The following MTRF1L variants were observed in gnomAD, a reference collection of about 807,000 sequenced individuals.
The protein encoded by MTRF1L is peptide chain release factor 1-like, mitochondrial.
In MTRF1L, 29 loss-of-function variants were observed where a neutral mutation model predicts 40.0. The ratio of observed to expected loss-of-function variants is 0.73; its 90% CI spans 0.54 to 0.99. The LOEUF (loss-of-function observed/expected upper bound fraction) is 0.99. Ranked by LOEUF, MTRF1L falls within the 50% of genes least tolerant of loss-of-function variation. The pLI, the probability that MTRF1L is intolerant of heterozygous loss-of-function variation, is 0.00. For synonymous variants in MTRF1L, 150 were observed against 175.8 expected (o/e 0.85, Z 1.16); for missense variants, 412 against 464.5 (o/e 0.89, Z 1.04).
intron 2 of MTRF1L, 142 bp downstream of exon 2, chr6:152,998,408 C>T (rs1778791901): frequency 5.6e-6 from 3 of 540,156 alleles, no homozygotes; most frequent in Non-Finnish European, 9.0e-6. Context: ...CAATTTATAC[C>T]TCAATAAATC....
intron 2 of MTRF1L, 105 bp from the exon 3 acceptor site, chr6:152,995,424 G>T: frequency 1.9e-6 from 2 of 1,036,488 alleles, no homozygotes; most frequent in Non-Finnish European, 2.7e-6. Flanking sequence ...GTTTCGCCAA[G>T]CAAATAATGT....
chr6:152,991,641 G>C lies in MTRF1L; in HGVS notation c.806-320C>G, dbSNP rs181738885. Among the ~76,000 whole-genome samples the C allele has an allele frequency of 2.6e-3, 399 of 152,252 alleles. 11 individuals carry two copies. The East Asian group carries it at 0.054, about 21-fold the overall frequency. ...GGCTCACTGCAAGCTCCGCCTCCCGGGTTCACGCCATTCTCCTGCCTCAGC... is the reference window on the plus strand; with the variant it reads ...GGCTCACTGCAAGCTCCGCCTCCCGCGTTCACGCCATTCTCCTGCCTCAGC... On this transcript the variant is annotated intron_variant, in intron 5 of 6. Coordinates refer to ENST00000367233, the MANE Select transcript of MTRF1L (RefSeq NM_019041.7).
At chr6:153,002,282 G>GT (rs1189738612) in intron 1 of MTRF1L, 145 bp downstream of exon 1, 1 of 1,230,992 alleles carries the variant, frequency 8.1e-7, no homozygotes, top group Non-Finnish European at 1.2e-6. Flanking sequence ...ATCACAGCAC[G>GT]TAATGATGTC....
At chr6:152,998,141 TACC>T (rs1778778487) in intron 2 of MTRF1L, among the ~76,000 whole-genome samples, 1 of 142,744 alleles carries the variant, frequency 7.0e-6, no homozygotes, top group East Asian at 2.1e-4. Flanking sequence ...GCCCCATGTC[TACC>T]TCCAGTCTTC....
rs747414946 is a variant in MTRF1L, at chr6:152,998,570, T to C, written c.319A>G (p.Ile107Val). 17 of 1,596,798 alleles carry C rather than the reference T, an allele frequency of 1.1e-5. No individual in the cohort carries two copies. Among genetic ancestry groups the C allele is most frequent in the Non-Finnish European group, 1.3e-5 (15 of 1,173,588 alleles). ...CATACCTGATGCTTCAGCTGAGTTATTTCTTTTTGACACAAAGTGATTTCA... is the reference window on the plus strand; with the variant it reads ...CATACCTGATGCTTCAGCTGAGTTACTTCTTTTTGACACAAAGTGATTTCA... The part of the protein sequence containing the change: ...ENEITLCQKE[I>V]TQLKHQIILL... Residue 107 changes from isoleucine (I) to valine (V), a missense_variant, in exon 2 of 7, where the codon ATA becomes GTA. Transcript: ENST00000367233.
intron 1 of MTRF1L, among the ~76,000 whole-genome samples, chr6:152,999,266 A>G (rs761656234): frequency 1.5e-5 from 2 of 137,292 alleles, no homozygotes; most frequent in Non-Finnish European, 3.2e-5. Context: ...TACCCTATAG[A>G]TGATATGCAG....
chr6:152,990,159 C>A (rs1778456134), intron 6 of MTRF1L, 64 bp from the exon 7 acceptor site: 2 of 1,564,600 alleles, frequency 1.3e-6, no homozygotes, highest in Admixed American at 4.0e-5. Context: ...ACAAATTTAA[C>A]TTATTTGGAG....
rs748255134 is a variant in MTRF1L at position 152,991,243 on chromosome 6, A to G, written c.884T>C (p.Leu295Pro). 1 of 1,596,190 alleles carries G rather than the reference A, an allele frequency of 6.3e-7. No homozygotes were observed. Among genetic ancestry groups the G allele is most frequent in the South Asian group, 1.1e-5 (1 of 87,314 alleles). ...ELAMTKLRAK[L>P]YSMHLEEEIN... is the part of the protein sequence containing the mutation. ...TTCTTCTTCTAGATGCATGCTGTAC[A>G]GTTTTGCACGTAACTTTGTCATAGC... The change falls in exon 6 of 7, where the codon CTG becomes CCG. Residue 295 changes from leucine to proline, a missense_variant. Physicochemically the swap from Leu to Pro is moderately conservative, Grantham distance 98. Coordinates refer to ENST00000367233, the MANE Select transcript of MTRF1L (RefSeq NM_019041.7).
chr6:153,002,689 T>C lies in MTRF1L; in HGVS notation c.-4A>G, dbSNP rs1584111345. Reference sequence around the variant, plus strand: ...CCCACAGAACCCGGGACCGCATCCTTAGTCCGAGATCGCGGACCCTGACCG... The same window carrying C: ...CCCACAGAACCCGGGACCGCATCCTCAGTCCGAGATCGCGGACCCTGACCG... On this transcript the variant is annotated 5_prime_UTR_variant, in exon 1 of 7. Coordinates refer to ENST00000367233, the MANE Select transcript of MTRF1L (RefSeq NM_019041.7). 1 of 1,476,300 alleles carries C rather than the reference T, an allele frequency of 6.8e-7. No homozygotes were observed. The highest frequency in any genetic ancestry group is 1.4e-5 in the South Asian group (1 of 71,540). The allele number at this position is 1,476,300 out of a possible 1,614,324, so 91.5% of individuals were successfully genotyped here. A position where few individuals can be genotyped will look rare whatever the true frequency, so the allele number is the denominator to read the frequency against.
intron 1 of MTRF1L, among the ~76,000 whole-genome samples, chr6:153,000,129 A>G (rs76067097): frequency 0.033 from 5,012 of 152,302 alleles, 275 homozygotes; most frequent in African/African-American, 0.11. Flanking sequence ...TGTTAGGGCA[A>G]TAGGCTCAAC....
chr6:152,994,432 T>G, intron 4 of MTRF1L, 81 bp downstream of exon 4: 7 of 1,384,374 alleles, frequency 5.1e-6, no homozygotes, highest in Non-Finnish European at 6.8e-6. Context: ...GATACTCAAT[T>G]CAGTAAACTC....
chr6:152,998,057 TTATA>T lies in MTRF1L; in HGVS notation c.339+489_339+492del, dbSNP rs957103441. Among the ~76,000 whole-genome samples the T allele has an allele frequency of 1.5e-4, 23 of 151,586 alleles. No homozygotes were observed. In the South Asian group the frequency reaches 3.5e-3, roughly 23 times the overall value. On this transcript the variant is annotated intron_variant, in intron 2 of 6. Coordinates refer to ENST00000367233, the MANE Select transcript of MTRF1L (RefSeq NM_019041.7). ...GGCACTTATGTCAATAAATTAAAGT[TTATA>T]TATATATTTTTTTATCTTTTAATTC...
At chr6:152,995,396 G>A in intron 2 of MTRF1L, 77 bp from the exon 3 acceptor site, 1 of 1,274,170 alleles carries the variant, frequency 7.8e-7, no homozygotes, top group Non-Finnish European at 1.1e-6. Context: ...AAATGATTCA[G>A]GAATTTTAAA....
At chr6:152,994,154 C>A (rs1342186652) in intron 4 of MTRF1L, among the ~76,000 whole-genome samples, 1 of 151,992 alleles carries the variant, frequency 6.6e-6, no homozygotes, top group Admixed American at 6.6e-5. Flanking sequence ...TAAGTAATTA[C>A]CTTTGTTAAA....
intron 3 of MTRF1L, 108 bp downstream of exon 3, chr6:152,995,028 C>A: frequency 9.9e-7 from 1 of 1,014,500 alleles, no homozygotes; most frequent in Admixed American, 3.1e-5. Flanking sequence ...AAATGATGAG[C>A]ATAAAACTAC....
intron 1 of MTRF1L, 87 bp downstream of exon 1, chr6:153,002,340 T>G (rs551078675): frequency 6.2e-7 from 1 of 1,600,894 alleles, no homozygotes; most frequent in Non-Finnish European, 8.5e-7. Context: ...GTAAAGAGTT[T>G]CAAACTCGGG....
At chr6:152,994,397 C>G (rs992067089) in intron 4 of MTRF1L, 116 bp downstream of exon 4, 4 of 1,109,810 alleles carry the variant, frequency 3.6e-6, no homozygotes, top group African/African-American at 3.2e-5. Context: ...ATATGCAACT[C>G]AAAATACACA....
chr6:152,992,165 G>A (rs1381248095), intron 5 of MTRF1L, among the ~76,000 whole-genome samples: 1 of 152,174 alleles, frequency 6.6e-6, no homozygotes, highest in Non-Finnish European at 1.5e-5. Flanking sequence ...TTAGTTAATA[G>A]GGACTATGCC....
At chr6:152,997,336 C>CA (rs1010019254) in intron 2 of MTRF1L, among the ~76,000 whole-genome samples, 18 of 152,206 alleles carry the variant, frequency 1.2e-4, no homozygotes, top group African/African-American at 4.1e-4. Context: ...AAAATTCTGA[C>CA]AAAAAAATTA....
Sources: gnomAD v4.1 joint callset for allele counts (sites outside exome capture counted in the v4.1 genomes callset) on GRCh38, gnomAD v4.1.1 for gene constraint, MANE v1.5 for transcripts, NCBI Gene and HGNC (gene_info 2026-07-23, HGNC 2026-07-21) for gene names.